GPR158: variants seen among roughly 807,000 people sequenced by gnomAD.
GPR158 encodes the protein G protein-coupled receptor 158, also known as metabotropic glycine receptor.
GPR158 carries 30 observed loss-of-function variants against 78.2 expected under a neutral mutation model. The observed-to-expected ratio is 0.38, with a 90% CI of 0.29 to 0.52. GPR158 has a LOEUF of 0.52. Among genes scored for constraint, GPR158 ranks in the 20% least tolerant of loss-of-function variants. The pLI, the probability that GPR158 is intolerant of heterozygous loss-of-function variation, is 0.83. For synonymous variants in GPR158, 581 were observed against 591.1 expected, an observed-to-expected ratio of 0.98 and a Z score of 0.25; for missense variants, 1,463 against 1,523.5, an observed-to-expected ratio of 0.96 and a Z score of 0.66.
intron 2 of GPR158, among the ~76,000 whole-genome samples, chr10:25,347,516 G>A (rs757188491): frequency 6.6e-6 from 1 of 151,864 alleles, no homozygotes; most frequent in Non-Finnish European, 1.5e-5. Flanking sequence ...AATACTTTAT[G>A]GTAAGTCTAA....
At chr10:25,415,080 A>T (rs941727202) in intron 4 of GPR158, among the ~76,000 whole-genome samples, 3 of 152,138 alleles carry the variant, frequency 2.0e-5, no homozygotes, top group African/African-American at 7.2e-5. Flanking sequence ...AACTTTTATT[A>T]GGAGAAAACA....
At chr10:25,448,280 C>T (rs144895904) in intron 4 of GPR158, among the ~76,000 whole-genome samples, 9,487 of 151,372 alleles carry the variant, frequency 0.063, 932 homozygotes, top group East Asian at 0.44. Context: ...TTAGTAGAGA[C>T]GGGGTTTCAC....
chr10:25,271,652 C>T (rs1854120438), intron 2 of GPR158, among the ~76,000 whole-genome samples: 1 of 152,150 alleles, frequency 6.6e-6, no homozygotes, highest in African/African-American at 2.4e-5. Context: ...AGTTCTATGC[C>T]AGCGCATATA....
chr10:25,368,135 G>A (rs1035871642), intron 2 of GPR158, among the ~76,000 whole-genome samples: 1 of 151,840 alleles, frequency 6.6e-6, no homozygotes, highest in African/African-American at 2.4e-5. Flanking sequence ...CAGCTCTCTG[G>A]ATGAAGTACT....
intron 2 of GPR158, among the ~76,000 whole-genome samples, chr10:25,289,355 C>G (rs1854400226): frequency 6.6e-6 from 1 of 152,180 alleles, no homozygotes; most frequent in Non-Finnish European, 1.5e-5. Flanking sequence ...AGGATATTCA[C>G]AGAGGGCGTG....
intron 7 of GPR158, among the ~76,000 whole-genome samples, chr10:25,587,146 G>T (rs901158567): frequency 1.3e-5 from 2 of 152,134 alleles, no homozygotes; most frequent in Admixed American, 1.3e-4. Context: ...GATGGGTGAG[G>T]GATCTGGTGT....
chr10:25,222,123 T>A (rs1853306964), intron 2 of GPR158, among the ~76,000 whole-genome samples: 1 of 152,096 alleles, frequency 6.6e-6, no homozygotes, highest in Non-Finnish European at 1.5e-5. Flanking sequence ...CATGCATGCA[T>A]ATACATGTAT....
In GPR158 at chr10:25,238,032, T is replaced by A. The variant is rs1020388678; in HGVS notation, c.1008+16875T>A. On this transcript the variant is annotated intron_variant, in intron 2 of 10. Coordinates refer to ENST00000376351, the MANE Select transcript of GPR158 (RefSeq NM_020752.3). ...TCTCTTCTCTGCTCTCTTCCTTTTT[T>A]AAAAAAATTCTTGTCTTTCTTTTCT... Among the ~76,000 whole-genome samples the A allele has an allele frequency of 2.6e-5, 4 of 152,230 alleles. No homozygotes were observed. The East Asian group carries it at 5.8e-4, about 22-fold the overall frequency.
intron 6 of GPR158, among the ~76,000 whole-genome samples, chr10:25,562,870 C>T (rs900879583): frequency 6.6e-6 from 1 of 152,136 alleles, no homozygotes; most frequent in Non-Finnish European, 1.5e-5. Context: ...GAGAGCAGGA[C>T]CTTGAAGTCT....
intron 5 of GPR158, among the ~76,000 whole-genome samples, chr10:25,469,547 A>C (rs2130621101): frequency 6.6e-6 from 1 of 152,180 alleles, no homozygotes; most frequent in Middle Eastern, 3.4e-3. Context: ...GCACTTTGGG[A>C]GGCCAAGTGG....
chr10:25,377,891 T>C (rs1164097516), intron 2 of GPR158, among the ~76,000 whole-genome samples: 1 of 152,096 alleles, frequency 6.6e-6, no homozygotes, highest in Non-Finnish European at 1.5e-5. Flanking sequence ...TGGGTATATA[T>C]GTAGGAGGGG....
At chr10:25,587,497 G>A (rs866993165) in intron 7 of GPR158, among the ~76,000 whole-genome samples, 1 of 152,292 alleles carries the variant, frequency 6.6e-6, no homozygotes, top group African/African-American at 2.4e-5. Context: ...ATGTAGAAAT[G>A]AAAGTTGGAG....
At chr10:25,563,691 C>T (rs1027740424) in intron 6 of GPR158, among the ~76,000 whole-genome samples, 1 of 151,920 alleles carries the variant, frequency 6.6e-6, no homozygotes, top group African/African-American at 2.4e-5. Context: ...CAGACGTATA[C>T]AAAAACTTTG....
intron 4 of GPR158, among the ~76,000 whole-genome samples, chr10:25,423,169 G>GTATATACA: frequency 6.7e-6 from 1 of 148,792 alleles, no homozygotes; most frequent in East Asian, 2.0e-4. Flanking sequence ...ATATATGTGT[G>GTATATACA]TATATATGTA....
At chr10:25,559,063 T>C (rs993794515) in intron 6 of GPR158, among the ~76,000 whole-genome samples, 6 of 152,214 alleles carry the variant, frequency 3.9e-5, no homozygotes, top group Non-Finnish European at 8.8e-5. Flanking sequence ...GGGTTGGAAA[T>C]TTCTGATTTG....
chr10:25,385,444 T>C (rs1285541279), intron 2 of GPR158, among the ~76,000 whole-genome samples: 2 of 152,150 alleles, frequency 1.3e-5, no homozygotes, highest in Admixed American at 1.3e-4. Flanking sequence ...TGCAAATAGC[T>C]CTTCAAATTC....
At chr10:25,534,631 G>A (rs552769737) in intron 5 of GPR158, among the ~76,000 whole-genome samples, 1 of 150,878 alleles carries the variant, frequency 6.6e-6, no homozygotes, top group Admixed American at 6.6e-5. Context: ...GCACGTATCT[G>A]TAATCTCAAC....
intron 2 of GPR158, among the ~76,000 whole-genome samples, chr10:25,372,643 G>A (rs1324678941): frequency 1.4e-5 from 2 of 142,044 alleles, no homozygotes; most frequent in Non-Finnish European, 3.1e-5. Context: ...TCAGTCATAG[G>A]TGGGAATTGA....
chr10:25,253,574 A>G (rs976619276), intron 2 of GPR158, among the ~76,000 whole-genome samples: 1 of 152,220 alleles, frequency 6.6e-6, no homozygotes, highest in South Asian at 2.1e-4. Flanking sequence ...TGACACAGGC[A>G]GAATATAATT....
Sources: gnomAD v4.1 joint callset for allele counts (sites outside exome capture counted in the v4.1 genomes callset) on GRCh38, gnomAD v4.1.1 for gene constraint, MANE v1.5 for transcripts, NCBI Gene and HGNC (gene_info 2026-07-23, HGNC 2026-07-21) for gene names.